Variants in RSPO2 observed in about 807,000 individuals in gnomAD.
RSPO2 encodes R-spondin 2.
RSPO2 carries 14 observed loss-of-function variants against 30.9 expected under a neutral mutation model. That is an observed-to-expected ratio of 0.45 (90% confidence interval 0.30 to 0.71). RSPO2 has a LOEUF of 0.71. Ranked by LOEUF, RSPO2 falls within the 30% of genes least tolerant of loss-of-function variation. RSPO2 has a pLI of 0.08. For missense variants in RSPO2, 264 were observed against 301.9 expected (o/e 0.87, Z 0.93); for synonymous variants, 107 against 96.4 (o/e 1.11, Z -0.64).
At chr8:107,902,773 GA>G (rs1255074395) in intron 5 of RSPO2, among the ~76,000 whole-genome samples, 1 of 151,770 alleles carries the variant, frequency 6.6e-6, no homozygotes, top group Non-Finnish European at 1.5e-5. Context: ...TTTATCACAA[GA>G]AAAAAAGATT....
chr8:107,921,451 T>C (rs1812169024), intron 5 of RSPO2, among the ~76,000 whole-genome samples: 1 of 152,124 alleles, frequency 6.6e-6, no homozygotes, highest in African/African-American at 2.4e-5. Flanking sequence ...GATTACTGAA[T>C]TTTCAACAGC....
At chr8:108,062,548 A>T (rs1206329298) in intron 2 of RSPO2, among the ~76,000 whole-genome samples, 1 of 151,638 alleles carries the variant, frequency 6.6e-6, no homozygotes, top group Non-Finnish European at 1.5e-5. Context: ...ATAATAGCCT[A>T]CCAACCAAAA....
intron 2 of RSPO2, among the ~76,000 whole-genome samples, chr8:108,018,462 C>T (rs545915105): frequency 6.6e-6 from 1 of 152,250 alleles, no homozygotes; most frequent in African/African-American, 2.4e-5. Flanking sequence ...TAAAACCAGG[C>T]CACAGATGAG....
chr8:107,900,340 G>GA lies in RSPO2; in HGVS notation c.*734dup, dbSNP rs879608082. Reference sequence around the variant, plus strand: ...ATGAGAAATAAGCCCACAATGAGGGGAAAAAAAAAAAGTTTCAAGAGGCAA... The same window carrying GA: ...ATGAGAAATAAGCCCACAATGAGGGGAAAAAAAAAAAAGTTTCAAGAGGCAA... On this transcript the variant is annotated 3_prime_UTR_variant, in exon 6 of 6. Transcript: ENST00000276659. 79 of 144,154 alleles carry GA rather than the reference G, an allele frequency of 5.5e-4. No individual in the cohort carries two copies. Among genetic ancestry groups the GA allele is most frequent in the African/African-American group, 1.4e-3 (54 of 39,374 alleles). 8.9% of individuals were successfully genotyped at this position (144,154 alleles called of 1,614,324 possible).
rs890046395 is a variant in RSPO2, at chr8:107,989,363, A to C, written c.95-119T>G. ...CTGCTATACTCACATAGAAATACTA[A>C]ATAAAATATCCCTCCCCTTCTTCCC... On this transcript the variant is annotated intron_variant, in intron 2 of 5. Coordinates refer to ENST00000276659, the MANE Select transcript of RSPO2 (RefSeq NM_178565.5). 3.0e-5 allele frequency: 19 copies of C among 632,694 alleles called. No individual in the cohort carries two copies. In the East Asian group the frequency reaches 6.0e-4, roughly 20 times the overall value. 39.2% of individuals were successfully genotyped at this position (632,694 alleles called of 1,614,324 possible).
chr8:107,951,050 TTTG>T (rs748285222), intron 5 of RSPO2, among the ~76,000 whole-genome samples: 7 of 69,792 alleles, frequency 1.0e-4, no homozygotes, highest in South Asian at 5.2e-4. Flanking sequence ...TAAGTTTTTT[TTTG>T]TTGTTGTTGT....
chr8:108,051,701 A>G (rs1367897982), intron 2 of RSPO2, among the ~76,000 whole-genome samples: 1 of 152,196 alleles, frequency 6.6e-6, no homozygotes. Context: ...TATAAATCCA[A>G]TACTCAGATC....
intron 3 of RSPO2, among the ~76,000 whole-genome samples, chr8:107,976,122 A>G (rs1166792454): frequency 1.3e-5 from 2 of 152,242 alleles, no homozygotes; most frequent in African/African-American, 4.8e-5. Context: ...AGAAACCAGC[A>G]CAAAAGAATG....
intron 5 of RSPO2, among the ~76,000 whole-genome samples, chr8:107,944,175 T>A (rs1390600056): frequency 6.6e-6 from 1 of 152,136 alleles, no homozygotes; most frequent in Non-Finnish European, 1.5e-5. Context: ...ATAACTAAAT[T>A]AAGATTGCAT....
At chr8:107,981,567 T>C (rs16877054) in intron 3 of RSPO2, among the ~76,000 whole-genome samples, 11,437 of 152,170 alleles carry the variant, frequency 0.075, 908 homozygotes, top group African/African-American at 0.2. Flanking sequence ...TCTAAAGGCA[T>C]TCAAACTTGA....
chr8:107,917,137 G>T (rs1191560140), intron 5 of RSPO2, among the ~76,000 whole-genome samples: 1 of 152,122 alleles, frequency 6.6e-6, no homozygotes, highest in Non-Finnish European at 1.5e-5. Context: ...TATCTTCATT[G>T]GGTCTTGTTT....
chr8:107,961,665 C>T (rs1291229386), intron 3 of RSPO2, among the ~76,000 whole-genome samples: 1 of 152,170 alleles, frequency 6.6e-6, no homozygotes, highest in African/African-American at 2.4e-5. Flanking sequence ...CAACTATATG[C>T]CTCTCTGAGC....
At chr8:108,035,466 GTT>G (rs768483721) in intron 2 of RSPO2, among the ~76,000 whole-genome samples, 1 of 150,290 alleles carries the variant, frequency 6.7e-6, no homozygotes, top group Non-Finnish European at 1.5e-5. Flanking sequence ...TTGTTTGTTT[GTT>G]TTTGTTTTTG....
intron 3 of RSPO2, among the ~76,000 whole-genome samples, chr8:107,961,390 T>C (rs560100275): frequency 6.6e-6 from 1 of 152,138 alleles, no homozygotes; most frequent in East Asian, 1.9e-4. Context: ...AGGCTTTACA[T>C]ATATTTCCAC....
chr8:107,966,216 T>G (rs890680557), intron 3 of RSPO2, among the ~76,000 whole-genome samples: 3 of 152,194 alleles, frequency 2.0e-5, no homozygotes, highest in African/African-American at 7.2e-5. Context: ...AGGGGTTTGG[T>G]CTGACTAGCA....
intron 3 of RSPO2, 146 bp downstream of exon 3, chr8:107,988,910 G>T: frequency 1.4e-6 from 1 of 719,654 alleles, no homozygotes; most frequent in Non-Finnish European, 2.1e-6. Context: ...TTACAGGCAT[G>T]ACCCACCACA....
At chr8:108,004,647 T>C (rs527700054) in intron 2 of RSPO2, among the ~76,000 whole-genome samples, 22 of 152,258 alleles carry the variant, frequency 1.4e-4, no homozygotes, top group African/African-American at 4.8e-4. Context: ...ACTTGATCAT[T>C]CTCAAAAAGT....
chr8:108,061,406 T>C (rs1003130182), intron 2 of RSPO2, among the ~76,000 whole-genome samples: 1 of 151,634 alleles, frequency 6.6e-6, no homozygotes, highest in Admixed American at 6.6e-5. Context: ...TAAAACAGAC[T>C]TTAAACCAAC....
chr8:108,004,199 C>T (rs866018586), intron 2 of RSPO2, among the ~76,000 whole-genome samples: 8 of 152,254 alleles, frequency 5.3e-5, no homozygotes, highest in African/African-American at 1.7e-4. Context: ...TTACAAGTTT[C>T]CTCTGGCAGA....
Sources: gnomAD v4.1 joint callset for allele counts (sites outside exome capture counted in the v4.1 genomes callset) on GRCh38, gnomAD v4.1.1 for gene constraint, MANE v1.5 for transcripts, NCBI Gene and HGNC (gene_info 2026-07-23, HGNC 2026-07-21) for gene names.